Variants in ELL observed in about 807,000 individuals in gnomAD.
ELL encodes elongation factor for RNA polymerase II, also known as RNA polymerase II elongation factor ELL.
Under a neutral mutation model 64.0 loss-of-function variants are expected in ELL, and 18 were observed. The observed-to-expected ratio is 0.28, with a 90% CI of 0.19 to 0.42. The LOEUF is 0.42. ELL is among the 10% of genes least tolerant of loss of function. ELL has a pLI of 1.00. For synonymous variants in ELL, 399 were observed against 376.2 expected (o/e 1.06, Z -0.70); for missense variants, 797 against 870.4 (o/e 0.92, Z 1.06).
intron 1 of ELL, among the ~76,000 whole-genome samples, chr19:18,516,531 G>C (rs1237161930): frequency 6.7e-6 from 1 of 150,178 alleles, no homozygotes; most frequent in Non-Finnish European, 1.5e-5. Flanking sequence ...GTGACATGAG[G>C]GGCCCATCTC....
In ELL at chr19:18,462,179, A is replaced by AGTGTGTGT. The variant is rs758119031; in HGVS notation, c.470-335_470-328dup. ...CCTGATCACTCTCACTCTGGTGGGC[A>AGTGTGTGT]GTGTGTGTGTGTGTGTGTGTGTGTG... On this transcript the variant is annotated intron_variant, in intron 4 of 11. Coordinates refer to ENST00000262809, the MANE Select transcript of ELL (RefSeq NM_006532.4). Among the ~76,000 whole-genome samples the AGTGTGTGT allele has an allele frequency of 8.3e-3, 996 of 120,092 alleles. 8 individuals carry two copies. Among genetic ancestry groups the AGTGTGTGT allele is most frequent in the Non-Finnish European group, 0.011 (676 of 59,002 alleles). 78.8% of individuals were successfully genotyped at this position (120,092 alleles called of 152,430 possible). A position where few individuals can be genotyped will look rare whatever the true frequency, so the allele number is the denominator to read the frequency against.
intron 1 of ELL, among the ~76,000 whole-genome samples, chr19:18,495,426 CCACT>C (rs1975628178): frequency 6.6e-6 from 1 of 152,196 alleles, no homozygotes; most frequent in Admixed American, 6.5e-5. Flanking sequence ...CCATTCCCAC[CCACT>C]CACTCGCATC....
intron 1 of ELL, among the ~76,000 whole-genome samples, chr19:18,481,052 C>T (rs570977583): frequency 7.9e-5 from 12 of 152,312 alleles, no homozygotes; most frequent in Admixed American, 2.6e-4. Flanking sequence ...CCTCTACACG[C>T]TCCACGCACC....
At chr19:18,464,594 C>CTTT (rs755232250) in intron 4 of ELL, among the ~76,000 whole-genome samples, 17 of 152,212 alleles carry the variant, frequency 1.1e-4, no homozygotes, top group Non-Finnish European at 1.8e-4. Flanking sequence ...AAAGGGAAAT[C>CTTT]ACGTGCTTTC....
At chr19:18,496,914 T>G (rs1043808304) in intron 1 of ELL, among the ~76,000 whole-genome samples, 6 of 152,250 alleles carry the variant, frequency 3.9e-5, no homozygotes, top group African/African-American at 1.4e-4. Flanking sequence ...CAAGTGCTGG[T>G]GAGGACATGG....
In ELL at chr19:18,472,886, TAAA is replaced by T. The variant is rs748950436; in HGVS notation, c.136-7_136-5del. Reference sequence around the variant, plus strand: ...ATGGCCTCAGTGAAACAGAATCCTATAAAAAAAAAAAAAAAAAAAAAAAGGTGA... The same window carrying T: ...ATGGCCTCAGTGAAACAGAATCCTATAAAAAAAAAAAAAAAAAAAAGGTGA... On this transcript the variant is annotated splice_region_variant and splice_polypyrimidine_tract_variant and intron_variant, in intron 1 of 11. Transcript: ENST00000262809. 6.2e-3 allele frequency: 7,434 copies of T among 1,197,462 alleles called. No individual in the cohort carries two copies. The highest frequency in any genetic ancestry group is 8.9e-3 in the Admixed American group (194 of 21,898). 74.2% of individuals were successfully genotyped at this position (1,197,462 alleles called of 1,614,324 possible).
chr19:18,490,360 G>C (rs565843190), intron 1 of ELL, among the ~76,000 whole-genome samples: 1 of 152,220 alleles, frequency 6.6e-6, no homozygotes, highest in African/African-American at 2.4e-5. Flanking sequence ...GACACAGCAG[G>C]GACCAGCTTC....
At chr19:18,472,745 G>T (rs1975090497) in intron 2 of ELL, 90 bp downstream of exon 2, 1 of 1,476,542 alleles carries the variant, frequency 6.8e-7, no homozygotes, top group African/African-American at 1.4e-5. Flanking sequence ...ACACTGCCAT[G>T]AGCTGCTGCT....
chr19:18,498,402 C>A (rs1385649292), intron 1 of ELL, among the ~76,000 whole-genome samples: 1 of 152,286 alleles, frequency 6.6e-6, no homozygotes, highest in East Asian at 1.9e-4. Flanking sequence ...TAGAAGACAA[C>A]CAGGAGGTCT....
chr19:18,494,723 C>T (rs1975611624), intron 1 of ELL, among the ~76,000 whole-genome samples: 1 of 152,054 alleles, frequency 6.6e-6, no homozygotes, highest in Non-Finnish European at 1.5e-5. Context: ...CACTCTCTGC[C>T]CTCCCCTCCC....
At chr19:18,507,299 A>G (rs1446804089) in intron 1 of ELL, among the ~76,000 whole-genome samples, 1 of 152,220 alleles carries the variant, frequency 6.6e-6, no homozygotes, top group African/African-American at 2.4e-5. Flanking sequence ...GAAAAGGGAG[A>G]GATAACATCC....
At chr19:18,448,548 G>A (rs1025754659) in intron 8 of ELL, 1 of 152,410 alleles carries the variant, frequency 6.6e-6, no homozygotes, top group East Asian at 1.9e-4. Context: ...CGGGCCAGAA[G>A]GAAGTGAGAG....
intron 1 of ELL, among the ~76,000 whole-genome samples, chr19:18,517,858 G>T (rs1976161375): frequency 6.8e-6 from 1 of 147,564 alleles, no homozygotes; most frequent in African/African-American, 2.5e-5. Context: ...CTGTACTCCA[G>T]CCTGGGTGAC....
In ELL at chr19:18,472,624, A is replaced by G. The variant is rs898433213; in HGVS notation, c.183+211T>C. On this transcript the variant is annotated intron_variant, in intron 2 of 11. Coordinates refer to ENST00000262809, the MANE Select transcript of ELL (RefSeq NM_006532.4). The stretch of plus-strand genomic sequence containing the variant: ...AGCCACTGGGAGAGGAGAGCCGCCC[A>G]TTGCCCAAGCAGCCTGTGACGTGCA... The G allele has an allele frequency of 1.4e-5, 8 of 571,266 alleles. No individual in the cohort carries two copies. In the African/African-American group the frequency reaches 1.5e-4, roughly 11 times the overall value. The allele number at this position is 571,266 out of a possible 1,614,324, so 35.4% of individuals were successfully genotyped here.
At chr19:18,454,940 G>A (rs1276346514) in intron 6 of ELL, among the ~76,000 whole-genome samples, 1 of 150,706 alleles carries the variant, frequency 6.6e-6, no homozygotes, top group Non-Finnish European at 1.5e-5. Context: ...AGGAGTTTGA[G>A]ACAAGCCTGG....
At chr19:18,499,425 G>A (rs144755387) in intron 1 of ELL, among the ~76,000 whole-genome samples, 150 of 152,274 alleles carry the variant, frequency 9.9e-4, no homozygotes, top group African/African-American at 3.3e-3. Flanking sequence ...TAACATACCC[G>A]TGACCTCCAG....
rs537580122 is a variant in ELL, at chr19:18,487,792, G to A, written c.136-14910C>T. Reference sequence around the variant, plus strand: ...CTAACAGGCCCAGGTGCTTACCTTCGGAACAACGGGATCTTCTATTACCCA... The same window carrying A: ...CTAACAGGCCCAGGTGCTTACCTTCAGAACAACGGGATCTTCTATTACCCA... On this transcript the variant is annotated intron_variant, in intron 1 of 11. Coordinates refer to ENST00000262809, the MANE Select transcript of ELL (RefSeq NM_006532.4). Among the ~76,000 whole-genome samples, 13 of 152,328 alleles carry A rather than the reference G, an allele frequency of 8.5e-5. No individual in the cohort carries two copies. In the East Asian group the frequency reaches 1.9e-3, roughly 23 times the overall value.
At chr19:18,490,791 C>T (rs1375935692) in intron 1 of ELL, among the ~76,000 whole-genome samples, 1 of 152,218 alleles carries the variant, frequency 6.6e-6, no homozygotes, top group African/African-American at 2.4e-5. Flanking sequence ...ACCCACTGCA[C>T]ACCCGCAGCC....
At chr19:18,516,521 G>A (rs985133738) in intron 1 of ELL, among the ~76,000 whole-genome samples, 1 of 151,788 alleles carries the variant, frequency 6.6e-6, no homozygotes, top group African/African-American at 2.4e-5. Flanking sequence ...ATGTCAGCTC[G>A]TGACATGAGG....
Sources: gnomAD v4.1 joint callset for allele counts (sites outside exome capture counted in the v4.1 genomes callset) on GRCh38, gnomAD v4.1.1 for gene constraint, MANE v1.5 for transcripts, NCBI Gene and HGNC (gene_info 2026-07-23, HGNC 2026-07-21) for gene names.